Variants in BSN observed in about 807,000 individuals in gnomAD.
The protein encoded by BSN is bassoon presynaptic cytomatrix protein, also known as protein bassoon.
Under a neutral mutation model 264.8 loss-of-function variants are expected in BSN, and 57 were observed. The observed-to-expected ratio is 0.22, with a 90% CI of 0.17 to 0.27. The LOEUF is 0.27. Ranked by LOEUF, BSN falls within the 10% of genes least tolerant of loss-of-function variation. The pLI, the probability that BSN is intolerant of heterozygous loss-of-function variation, is 1.00. For synonymous variants in BSN, 2,059 were observed against 2,137.3 expected, an observed-to-expected ratio of 0.96 and a Z score of 1.01; for missense variants, 4,615 against 5,232.5, an observed-to-expected ratio of 0.88 and a Z score of 3.64.
intron 1 of BSN, among the ~76,000 whole-genome samples, chr3:49,584,072 A>C (rs951549449): frequency 4.0e-5 from 6 of 151,862 alleles, no homozygotes; most frequent in African/African-American, 1.5e-4. Flanking sequence ...TTTTTAGTAG[A>C]GACGGGGTTT....
chr3:49,661,680 A>G lies in BSN; in HGVS notation c.9835A>G (p.Thr3279Ala), dbSNP rs1295482051. 3 of 1,613,722 alleles carry G rather than the reference A, an allele frequency of 1.9e-6. No individual in the cohort carries two copies. The South Asian group carries it at 3.3e-5, about 18-fold the overall frequency. The change falls in exon 6 of 12, where the codon ACA becomes GCA. Residue 3279 changes from threonine (T) to alanine (A), a missense_variant. By Grantham distance (58) the Thr-to-Ala change is moderately conservative. Coordinates refer to ENST00000296452, the MANE Select transcript of BSN (RefSeq NM_003458.4). ...AGAACCAGGTGTCCTTGACGGGCCC[A>G]CACTGCCCTGCTGCTATGCCAGAGG... The part of the protein sequence containing the change: ...PGEPGVLDGP[T>A]LPCCYARGEE...
In BSN at chr3:49,662,204, G is replaced by A. The variant is rs1003174248; in HGVS notation, c.10359G>A (p.Lys3453=). ...SRAPSAYSGE[K]LSSHDFSGWG... The stretch of plus-strand genomic sequence containing the variant: ...CACCTTCTGCATACAGTGGGGAGAA[G>A]CTGTCCAGCCACGACTTCAGTGGCT... The change falls in exon 6 of 12, where the codon AAG becomes AAA. Residue 3453 remains lysine (K), a synonymous_variant. Transcript: ENST00000296452. 2 of 1,613,068 alleles carry A rather than the reference G, an allele frequency of 1.2e-6. No individual in the cohort carries two copies. The highest frequency in any genetic ancestry group is 2.7e-5 in the African/African-American group (2 of 74,954).
rs940380587 is a variant in BSN, at chr3:49,657,589, C to T, written c.8033C>T (p.Pro2678Leu). The T allele has an allele frequency of 6.2e-7, 1 of 1,611,800 alleles. No homozygotes were observed. Among genetic ancestry groups the T allele is most frequent in the Admixed American group, 1.7e-5 (1 of 59,976 alleles). Residue 2678 changes from proline (P) to leucine (L), a missense_variant, in exon 5 of 12, where the codon CCT becomes CTT. Coordinates refer to ENST00000296452, the MANE Select transcript of BSN (RefSeq NM_003458.4). Reference sequence around the variant, plus strand: ...AGTGACTGCTCCGTGCAGACGGAGCCTGACCAGCTGCCCAGGGTCTCTCCA... The same window carrying T: ...AGTGACTGCTCCGTGCAGACGGAGCTTGACCAGCTGCCCAGGGTCTCTCCA... Reference protein sequence around the residue: ...TISDCSVQTEPDQLPRVSPAI... With the variant: ...TISDCSVQTELDQLPRVSPAI...
At chr3:49,658,729 G>T (rs751907359) in intron 5 of BSN, among the ~76,000 whole-genome samples, 1 of 152,138 alleles carries the variant, frequency 6.6e-6, no homozygotes, top group Non-Finnish European at 1.5e-5. Flanking sequence ...TCTGCCCCAG[G>T]GTGTTCTCTG....
In BSN at chr3:49,653,901, G is replaced by C. The variant is rs763605567; in HGVS notation, c.4345G>C (p.Ala1449Pro). ...PSGLAAAGRA[A>P]REKPLSASDG... ...TGGCCTTGCTGCAGCTGGACGAGCT[G>C]CTAGAGAGAAGCCCTTGAGTGCGAG... The change falls in exon 5 of 12, where the codon GCT (alanine) becomes CCT (proline). Residue 1449 changes from alanine (A) to proline (P), a missense_variant. Transcript: ENST00000296452. The surrounding 1 kb of genome is among the most constrained non-coding windows in gnomAD (Gnocchi z 6.3). 7.4e-6 allele frequency: 12 copies of C among 1,614,052 alleles called. No individual in the cohort carries two copies. In the African/African-American group the frequency reaches 1.3e-4, roughly 18 times the overall value.
At chr3:49,615,341 C>T (rs949028440) in intron 1 of BSN, among the ~76,000 whole-genome samples, 3 of 152,170 alleles carry the variant, frequency 2.0e-5, no homozygotes, top group Admixed American at 6.5e-5. Flanking sequence ...TCAGTATACA[C>T]CTGGCGTCAC....
At chr3:49,666,912 C>T (rs1463982009) in intron 11 of BSN, among the ~76,000 whole-genome samples, 1 of 152,226 alleles carries the variant, frequency 6.6e-6, no homozygotes, top group African/African-American at 2.4e-5. Context: ...CTTCCTGCGG[C>T]TTCCCGCTCA....
At chr3:49,581,150 T>C (rs187047218) in intron 1 of BSN, among the ~76,000 whole-genome samples, 6 of 152,142 alleles carry the variant, frequency 3.9e-5, no homozygotes, top group Admixed American at 3.9e-4. Context: ...CCAGGCTAAT[T>C]TTTGTATTTT....
At position 49,663,965 on chromosome 3, in the gene BSN, G is replaced by C. The variant is rs2052689487; in HGVS notation, c.11608+79G>C. 3.0e-6 allele frequency: 4 copies of C among 1,354,794 alleles called. No homozygotes were observed. In the Admixed American group the frequency reaches 7.7e-5, roughly 26 times the overall value. The allele number at this position is 1,354,794 out of a possible 1,614,324, so 83.9% of individuals were successfully genotyped here. ...TCTCTCTATACCACCTGTGCCCTGA[G>C]CTCCCCCACACTGCATGCCCTCACT... On this transcript the variant is annotated intron_variant, in intron 8 of 11. Coordinates refer to ENST00000296452, the MANE Select transcript of BSN (RefSeq NM_003458.4).
Position 49,657,478 on chromosome 3 carries a change from C to T in BSN, c.7922C>T (p.Ser2641Phe). 2 of 1,613,174 alleles carry T rather than the reference C, an allele frequency of 1.2e-6. No homozygotes were observed. Among genetic ancestry groups the T allele is most frequent in the Non-Finnish European group, 1.7e-6 (2 of 1,179,966 alleles). ...CTTCCCCGCCACTCAGACTCAGGCT[C>T]TGACAGCAAGCACGATGCCACTGCC... ...SRLPRHSDSG[S>F]DSKHDATASS... Residue 2641 changes from serine (S) to phenylalanine (F), a missense_variant, in exon 5 of 12, where the codon TCT becomes TTT. This residue lies in a region of BSN where 3,415 missense variants were observed against 3,866.4 expected (regional missense o/e 0.88). Transcript: ENST00000296452.
intron 1 of BSN, among the ~76,000 whole-genome samples, chr3:49,574,630 C>CTTTTT (rs60300269): frequency 3.9e-5 from 2 of 51,906 alleles, no homozygotes; most frequent in Non-Finnish European, 7.0e-5. Flanking sequence ...GGTGGGGTTT[C>CTTTTT]TTTTTTTTTT....
At chr3:49,596,800 A>G (rs1353725735) in intron 1 of BSN, among the ~76,000 whole-genome samples, 1 of 152,194 alleles carries the variant, frequency 6.6e-6, no homozygotes, top group Non-Finnish European at 1.5e-5. Context: ...AGCTGGGACT[A>G]CAGGCCTACA....
Position 49,594,043 on chromosome 3 carries a change from T to TGGCC in BSN, c.225-30931_225-30928dup, listed in dbSNP as rs570969316. ...GGTCTCGATCTCCTGATCTGGCGAT[T>TGGCC]GGCCTCCCAAAGTGCTGGGATTACA... On this transcript the variant is annotated intron_variant, in intron 1 of 11. Transcript: ENST00000296452. 1.6e-3 allele frequency among the ~76,000 whole-genome samples: 244 copies of TGGCC among 152,116 alleles called. 1 individual carries two copies. Among genetic ancestry groups the TGGCC allele is most frequent in the Non-Finnish European group, 2.7e-3 (182 of 67,980 alleles).
rs930411019 is a variant in BSN at position 49,654,061 on chromosome 3, C to T, written c.4505C>T (p.Ala1502Val). Residue 1502 changes from alanine (A) to valine (V), a missense_variant, in exon 5 of 12, where the codon GCA becomes GTA. This residue lies in a region of BSN where 3,415 missense variants were observed against 3,866.4 expected (regional missense o/e 0.88). Transcript: ENST00000296452. The surrounding 1 kb of genome is among the most constrained non-coding windows in gnomAD (Gnocchi z 4.1). ...GGCAAGATGGGCCCAAGGGCCACAG[C>T]AGAGTTCTCTACACAGACGCCAAGT... ...SPGKMGPRAT[A>V]EFSTQTPSPA... The T allele has an allele frequency of 6.2e-7, 1 of 1,613,736 alleles. No individual in the cohort carries two copies. Among genetic ancestry groups the T allele is most frequent in the African/African-American group, 1.3e-5 (1 of 74,920 alleles).
At chr3:49,595,488 C>T (rs2052016130) in intron 1 of BSN, among the ~76,000 whole-genome samples, 1 of 151,836 alleles carries the variant, frequency 6.6e-6, no homozygotes. Flanking sequence ...TGCGCCCGGC[C>T]TCACAATTTT....
Position 49,656,857 on chromosome 3 carries a change from G to A in BSN, c.7301G>A (p.Arg2434His), listed in dbSNP as rs571202037. 4.4e-5 allele frequency: 70 copies of A among 1,602,122 alleles called. No homozygotes were observed. Among genetic ancestry groups the A allele is most frequent in the Non-Finnish European group, 5.1e-5 (60 of 1,174,782 alleles). Residue 2434 changes from arginine to histidine, a missense_variant, in exon 5 of 12, where the codon CGC becomes CAC. Arg to His is a conservative substitution (Grantham distance 29). This residue lies in a region of BSN where 3,415 missense variants were observed against 3,866.4 expected (regional missense o/e 0.88). Coordinates refer to ENST00000296452, the MANE Select transcript of BSN (RefSeq NM_003458.4). The part of the protein sequence containing the change: ...HHVLQQQQEE[R>H]QAQFALQREQ... ...GTGCTGCAGCAGCAGCAAGAGGAAC[G>A]CCAGGCTCAATTTGCACTGCAGCGG...
At chr3:49,615,872 G>A (rs1438472568) in intron 1 of BSN, among the ~76,000 whole-genome samples, 1 of 152,156 alleles carries the variant, frequency 6.6e-6, no homozygotes, top group Non-Finnish European at 1.5e-5. Flanking sequence ...CTATTTTAAG[G>A]ACTGGCGATT....
intron 3 of BSN, among the ~76,000 whole-genome samples, chr3:49,644,195 G>C (rs1311645498): frequency 1.3e-5 from 2 of 152,208 alleles, no homozygotes; most frequent in Non-Finnish European, 2.9e-5. Flanking sequence ...TCGAGCCAAG[G>C]CCCTGCCTCT....
Position 49,651,430 on chromosome 3 carries a change from C to A in BSN, c.1987-113C>A, listed in dbSNP as rs2108080318. On this transcript the variant is annotated intron_variant, in intron 4 of 11. Coordinates refer to ENST00000296452, the MANE Select transcript of BSN (RefSeq NM_003458.4). This position sits in a 1 kb window ranked among gnomAD's most constrained non-coding sequence, Gnocchi z 5.4. ...ATAGGGTGGGTGGCGGGCCCTAAAC[C>A]CTTGGGAAATGGACAGACTCTTCCC... is the stretch of plus-strand genomic sequence containing the variant. The A allele has an allele frequency of 8.0e-7, 1 of 1,257,396 alleles. No homozygotes were observed. Among genetic ancestry groups the A allele is most frequent in the Non-Finnish European group, 1.1e-6 (1 of 912,032 alleles). 77.9% of individuals were successfully genotyped at this position (1,257,396 alleles called of 1,614,324 possible).
Sources: gnomAD v4.1 joint callset for allele counts (sites outside exome capture counted in the v4.1 genomes callset) on GRCh38, gnomAD v4.1.1 for gene constraint, gnomAD v4.1.1 regional missense constraint, Gnocchi (gnomAD v3.1) non-coding constraint, MANE v1.5 for transcripts, NCBI Gene and HGNC (gene_info 2026-07-23, HGNC 2026-07-21) for gene names.